Variants in MAP4K4 observed in about 807,000 individuals in gnomAD.
MAP4K4 encodes HPK/GCK-like kinase HGK.
MAP4K4 carries 38 observed loss-of-function variants against 189.6 expected under a neutral mutation model. The ratio of observed to expected loss-of-function variants is 0.20; its 90% CI spans 0.15 to 0.26. MAP4K4 has a LOEUF of 0.26. Among genes scored for constraint, MAP4K4 ranks in the 10% least tolerant of loss-of-function variants. MAP4K4 has a pLI of 1.00. For synonymous variants in MAP4K4, 610 were observed against 624.3 expected, an observed-to-expected ratio of 0.98 and a Z score of 0.34; for missense variants, 1,054 against 1,726.9, an observed-to-expected ratio of 0.61 and a Z score of 6.91.
At chr2:101,787,179 C>G (rs1450293581) in intron 2 of MAP4K4, among the ~76,000 whole-genome samples, 1 of 152,128 alleles carries the variant, frequency 6.6e-6, no homozygotes, top group African/African-American at 2.4e-5. Flanking sequence ...AGTGACCCAC[C>G]ATCAGGTGGG....
rs529691339 is a variant in MAP4K4 at position 101,762,026 on chromosome 2, C to T, written c.124-28694C>T. Among the ~76,000 whole-genome samples the T allele has an allele frequency of 3.2e-4, 49 of 152,270 alleles. No homozygotes were observed. In the South Asian group the frequency reaches 7.1e-3, roughly 22 times the overall value. On this transcript the variant is annotated intron_variant, in intron 2 of 32. Transcript: ENST00000324219. ...TAGGTCTGTAAGCTTGGGCAACTCA[C>T]GTAACCCCTCTCAGTCCATTTCCCT...
chr2:101,889,223 A>G (rs1179639792), intron 32 of MAP4K4, among the ~76,000 whole-genome samples: 1 of 152,138 alleles, frequency 6.6e-6, no homozygotes, highest in African/African-American at 2.4e-5. Flanking sequence ...AGAGATAGGG[A>G]AGATAAAAGC....
chr2:101,819,152 T>C (rs1198242691), intron 3 of MAP4K4, among the ~76,000 whole-genome samples: 1 of 152,208 alleles, frequency 6.6e-6, no homozygotes, highest in Admixed American at 6.5e-5. Flanking sequence ...AGCTGGCCCC[T>C]AGTCTGTTTT....
intron 2 of MAP4K4, among the ~76,000 whole-genome samples, chr2:101,730,771 G>T (rs909339434): frequency 1.3e-5 from 2 of 152,110 alleles, no homozygotes; most frequent in African/African-American, 4.8e-5. Context: ...ATAGTGGCCG[G>T]GTGTGGTGGC....
intron 2 of MAP4K4, among the ~76,000 whole-genome samples, chr2:101,722,475 A>G (rs2052723749): frequency 1.3e-5 from 2 of 152,192 alleles, no homozygotes. Context: ...TTTGCTTCTT[A>G]GCTAGTTTTA....
At chr2:101,701,707 T>C (rs1455884525) in intron 2 of MAP4K4, among the ~76,000 whole-genome samples, 1 of 152,186 alleles carries the variant, frequency 6.6e-6, no homozygotes, top group Non-Finnish European at 1.5e-5. Flanking sequence ...GAGAGACGGA[T>C]ACTCATAAAC....
rs192227849 is a variant in MAP4K4 at position 101,793,567 on chromosome 2, G to A, written c.180+2791G>A. On this transcript the variant is annotated intron_variant, in intron 3 of 32. Coordinates refer to ENST00000324219, the Ensembl canonical transcript of MAP4K4. The stretch of plus-strand genomic sequence containing the variant: ...TCTTGATGAGAACAGGACTCTTCAT[G>A]GTTTTTTTTTTTTTTTTTTTTACCT... Among the ~76,000 whole-genome samples the A allele has an allele frequency of 1.4e-3, 185 of 137,032 alleles. 1 individual carries two copies. The highest frequency in any genetic ancestry group is 2.0e-3 in the Non-Finnish European group (136 of 66,650). The allele number at this position is 137,032 out of a possible 152,430, so 89.9% of individuals were successfully genotyped here.
chr2:101,885,106 C>A, intron 28 of MAP4K4, 81 bp from the exon 29 acceptor site: 3 of 612,482 alleles, frequency 4.9e-6, no homozygotes, highest in South Asian at 5.2e-5. Flanking sequence ...ATAAAGTTTG[C>A]AGAAGACAAC....
chr2:101,785,036 C>G (rs2089937348), intron 2 of MAP4K4, among the ~76,000 whole-genome samples: 1 of 152,158 alleles, frequency 6.6e-6, no homozygotes, highest in African/African-American at 2.4e-5. Flanking sequence ...TTCTTACAGT[C>G]CAACCTCAGG....
At chr2:101,756,628 C>T (rs138444521) in intron 2 of MAP4K4, among the ~76,000 whole-genome samples, 56 of 152,022 alleles carry the variant, frequency 3.7e-4, no homozygotes, top group Non-Finnish European at 6.2e-4. Context: ...GATCACAGCT[C>T]GCTACAGCTT....
intron 2 of MAP4K4, among the ~76,000 whole-genome samples, chr2:101,708,352 CAA>C (rs2043523758): frequency 6.6e-6 from 1 of 152,058 alleles, no homozygotes; most frequent in Admixed American, 6.6e-5. Flanking sequence ...ACCAATGAAA[CAA>C]TAACAATAAC....
At chr2:101,892,294 T>C (rs2098582306) in exon 33 of MAP4K4, 1 of 152,882 alleles carries the variant, frequency 6.5e-6, no homozygotes, top group Admixed American at 6.5e-5. Context: ...TTAATCTTAA[T>C]ACCAAAACGA....
In MAP4K4 at chr2:101,866,408, C is replaced by G. The variant is rs1201224388; in HGVS notation, c.2205-20C>G. On this transcript the variant is annotated intron_variant, in intron 18 of 32. Transcript: ENST00000324219. ...CTAGAGATGACACATTAGCTGTTCT[C>G]TCTTCTTCTTTTCTAACAGCAGTAT... The G allele has an allele frequency of 1.2e-6, 2 of 1,600,820 alleles. No individual in the cohort carries two copies. Among genetic ancestry groups the G allele is most frequent in the African/African-American group, 1.3e-5 (1 of 74,736 alleles).
chr2:101,840,172 G>A (rs2096872916), intron 10 of MAP4K4, among the ~76,000 whole-genome samples, 178 bp downstream of exon 10: 1 of 152,128 alleles, frequency 6.6e-6, no homozygotes. Flanking sequence ...AGGTGGAGTT[G>A]GCTGGAGCTT....
chr2:101,849,625 C>T (rs200838926), intron 12 of MAP4K4, among the ~76,000 whole-genome samples: 7 of 143,440 alleles, frequency 4.9e-5, no homozygotes, highest in African/African-American at 7.7e-5. Context: ...GTTTTGTGCT[C>T]TTTTTTTTTT....
chr2:101,844,442 A>G (rs930520088), intron 12 of MAP4K4, 131 bp downstream of exon 12: 1 of 725,310 alleles, frequency 1.4e-6, no homozygotes, highest in Non-Finnish European at 2.3e-6. Context: ...AGCTGTTTAC[A>G]TAACTTGTGA....
intron 3 of MAP4K4, among the ~76,000 whole-genome samples, chr2:101,813,350 C>G (rs910067031): frequency 6.6e-6 from 1 of 152,062 alleles, no homozygotes; most frequent in African/African-American, 2.4e-5. Context: ...TGTCTCAGAG[C>G]GAAAACACTA....
chr2:101,714,135 C>T (rs1009751280), intron 2 of MAP4K4, among the ~76,000 whole-genome samples: 8 of 152,100 alleles, frequency 5.3e-5, no homozygotes, highest in Non-Finnish European at 1.0e-4. Context: ...AATGGTGCTG[C>T]GGAATGCTAA....
chr2:101,859,597 C>G (rs1336813410), intron 14 of MAP4K4, 46 bp from the exon 15 acceptor site: 1 of 1,370,748 alleles, frequency 7.3e-7, no homozygotes, highest in Non-Finnish European at 1.0e-6. Context: ...AAGAGGCGAG[C>G]TCTCCAGTGT....
Sources: gnomAD v4.1 joint callset for allele counts (sites outside exome capture counted in the v4.1 genomes callset) on GRCh38, gnomAD v4.1.1 for gene constraint, MANE v1.5 for transcripts, NCBI Gene and HGNC (gene_info 2026-07-23, HGNC 2026-07-21) for gene names.